HTR1F: variants seen among roughly 807,000 people sequenced by gnomAD.
The protein encoded by HTR1F is 5-hydroxytryptamine receptor 1F.
In HTR1F, 17 loss-of-function variants were observed where a neutral mutation model predicts 24.0. That is an observed-to-expected ratio of 0.71 (90% CI 0.48 to 1.06). HTR1F has a LOEUF of 1.06. HTR1F is among the 50% of genes least tolerant of loss of function. The probability of loss-of-function intolerance (pLI) is 0.00; values close to 1 mark genes in which losing one functional copy is unlikely to be tolerated. For synonymous variants in HTR1F, 186 were observed against 156.8 expected (o/e 1.19, Z -1.39); for missense variants, 391 against 427.8 (o/e 0.91, Z 0.76).
intron 2 of HTR1F, among the ~76,000 whole-genome samples, chr3:87,871,419 T>G (rs1408221663): frequency 6.6e-6 from 1 of 151,918 alleles, no homozygotes; most frequent in African/African-American, 2.4e-5. Context: ...TGGGGTACTG[T>G]CAAGTGGGAA....
At chr3:87,832,643 G>C (rs972678828) in intron 2 of HTR1F, among the ~76,000 whole-genome samples, 9 of 152,074 alleles carry the variant, frequency 5.9e-5, no homozygotes, top group African/African-American at 2.2e-4. Flanking sequence ...ACCCCTTCTT[G>C]TAAGAATTGT....
At chr3:87,881,202 TG>T (rs892529883) in intron 2 of HTR1F, among the ~76,000 whole-genome samples, 7 of 152,280 alleles carry the variant, frequency 4.6e-5, no homozygotes, top group African/African-American at 1.7e-4. Context: ...AGACTGTACC[TG>T]GAAAAAACAG....
chr3:87,830,463 A>G (rs2932266), intron 2 of HTR1F, among the ~76,000 whole-genome samples: 8,965 of 152,254 alleles, frequency 0.059, 821 homozygotes, highest in African/African-American at 0.19. Flanking sequence ...TGGTCATGTC[A>G]TAAAACTATG....
At chr3:87,907,373 A>ATTT (rs35373313) in intron 2 of HTR1F, among the ~76,000 whole-genome samples, 1 of 146,284 alleles carries the variant, frequency 6.8e-6, no homozygotes, top group African/African-American at 2.5e-5. Context: ...TTTTGAAGGG[A>ATTT]TTTTTTTTTT....
intron 2 of HTR1F, among the ~76,000 whole-genome samples, chr3:87,934,813 G>A (rs995927678): frequency 2.0e-5 from 3 of 152,056 alleles, no homozygotes; most frequent in Non-Finnish European, 2.9e-5. Context: ...TAAGAAGTAC[G>A]GAGTTGCATT....
intron 2 of HTR1F, among the ~76,000 whole-genome samples, chr3:87,914,314 TG>T (rs918903140): frequency 1.3e-5 from 2 of 152,106 alleles, no homozygotes; most frequent in African/African-American, 4.8e-5. Flanking sequence ...AGCTGAATTT[TG>T]TAACAATTTG....
intron 2 of HTR1F, among the ~76,000 whole-genome samples, chr3:87,822,438 T>C (rs1291565729): frequency 1.3e-5 from 2 of 152,134 alleles, no homozygotes; most frequent in Non-Finnish European, 2.9e-5. Flanking sequence ...AAAATGCTTA[T>C]AGAAAGTGAA....
chr3:87,914,913 G>C (rs528890155), intron 2 of HTR1F, among the ~76,000 whole-genome samples: 1 of 152,044 alleles, frequency 6.6e-6, no homozygotes. Context: ...ATTAAACCAC[G>C]TAAGCTAAGA....
intron 2 of HTR1F, among the ~76,000 whole-genome samples, chr3:87,976,742 AC>A (rs1228105570): frequency 6.6e-6 from 1 of 152,206 alleles, no homozygotes; most frequent in East Asian, 1.9e-4. Flanking sequence ...AACTTTACAA[AC>A]AAAAGTTTTA....
intron 2 of HTR1F, among the ~76,000 whole-genome samples, chr3:87,980,112 C>T (rs1203612422): frequency 6.6e-6 from 1 of 152,206 alleles, no homozygotes; most frequent in Non-Finnish European, 1.5e-5. Context: ...TTCTGCCATT[C>T]AGTGGGTCCC....
At chr3:87,899,065 TC>T (rs1706264673) in intron 2 of HTR1F, among the ~76,000 whole-genome samples, 1 of 152,216 alleles carries the variant, frequency 6.6e-6, no homozygotes, top group Non-Finnish European at 1.5e-5. Flanking sequence ...CATTAAATTT[TC>T]TGTGAACTAA....
intron 2 of HTR1F, among the ~76,000 whole-genome samples, chr3:87,942,278 A>C (rs1277269329): frequency 6.6e-6 from 1 of 151,958 alleles, no homozygotes; most frequent in Admixed American, 6.6e-5. Context: ...TGGCTGGGGG[A>C]AGTATCTAGT....
chr3:87,837,340 G>A (rs750436062), intron 2 of HTR1F, among the ~76,000 whole-genome samples: 3 of 152,004 alleles, frequency 2.0e-5, no homozygotes, highest in Non-Finnish European at 2.9e-5. Context: ...TAAGGCAGTC[G>A]TCAACAACTC....
intron 1 of HTR1F, among the ~76,000 whole-genome samples, chr3:87,815,399 G>A (rs1987799): frequency 3.3e-5 from 5 of 152,026 alleles, no homozygotes; most frequent in African/African-American, 4.8e-5. Context: ...GTAGTATCAG[G>A]AAGTGTACTA....
intron 2 of HTR1F, among the ~76,000 whole-genome samples, chr3:87,963,671 A>G (rs1223122190): frequency 6.6e-6 from 1 of 152,148 alleles, no homozygotes; most frequent in African/African-American, 2.4e-5. Context: ...TATAGTTCAG[A>G]ACCAAGAAGC....
At position 87,991,550 on chromosome 3, in the gene HTR1F, T is replaced by C. The variant is rs745309208; in HGVS notation, c.801T>C (p.Ser267=). ...ATAAAATTCATAGCACAGTGAGAAG[T>C]CTCAGGTCTGAATTCAAGCATGAGA... is the stretch of plus-strand genomic sequence containing the variant. ...DFDKIHSTVR[S]LRSEFKHEKS... Residue 267 remains serine (S), a synonymous_variant, in exon 3 of 3, where the codon AGT becomes AGC. Coordinates refer to ENST00000319595, the MANE Select transcript of HTR1F (RefSeq NM_001322209.2). 3.7e-6 allele frequency: 6 copies of C among 1,613,788 alleles called. No individual in the cohort carries two copies. In the East Asian group the frequency reaches 1.3e-4, roughly 36 times the overall value.
intron 2 of HTR1F, among the ~76,000 whole-genome samples, chr3:87,928,770 C>T (rs574770551): frequency 4.6e-5 from 7 of 152,090 alleles, no homozygotes; most frequent in Non-Finnish European, 1.0e-4. Flanking sequence ...CTAAGCAAGA[C>T]CACTGATAAA....
At chr3:87,806,538 G>A (rs1413706937) in intron 1 of HTR1F, among the ~76,000 whole-genome samples, 1 of 151,892 alleles carries the variant, frequency 6.6e-6, no homozygotes, top group African/African-American at 2.4e-5. Context: ...TGAGTTCATC[G>A]TATATTCTAG....
At chr3:87,796,312 T>C (rs1328148602) in intron 1 of HTR1F, among the ~76,000 whole-genome samples, 1 of 152,020 alleles carries the variant, frequency 6.6e-6, no homozygotes, top group African/African-American at 2.4e-5. Context: ...AATGCAGTTG[T>C]CACCAACTGA....
Sources: gnomAD v4.1 joint callset for allele counts (sites outside exome capture counted in the v4.1 genomes callset) on GRCh38, gnomAD v4.1.1 for gene constraint, MANE v1.5 for transcripts, NCBI Gene and HGNC (gene_info 2026-07-23, HGNC 2026-07-21) for gene names.